Variants in RPH3A observed in about 807,000 individuals in gnomAD.
RPH3A encodes rabphilin 3A.
RPH3A carries 48 observed loss-of-function variants against 102.2 expected under a neutral mutation model. The observed-to-expected ratio is 0.47, with a 90% CI of 0.37 to 0.60. RPH3A has a LOEUF of 0.60. RPH3A is among the 20% of genes least tolerant of loss of function. The pLI, the probability that RPH3A is intolerant of heterozygous loss-of-function variation, is 0.00. For missense variants in RPH3A, 781 were observed against 910.1 expected, an observed-to-expected ratio of 0.86 and a Z score of 1.83; for synonymous variants, 310 against 324.3, an observed-to-expected ratio of 0.96 and a Z score of 0.47.
chr12:112,805,552 A>G (rs1469181304), intron 2 of RPH3A, among the ~76,000 whole-genome samples: 3 of 152,190 alleles, frequency 2.0e-5, no homozygotes, highest in Admixed American at 1.3e-4. Flanking sequence ...ATTGTCAGAA[A>G]GGGCCAGTTA....
chr12:112,840,563 T>G (rs2042124734), intron 4 of RPH3A, among the ~76,000 whole-genome samples: 1 of 152,052 alleles, frequency 6.6e-6, no homozygotes, highest in Non-Finnish European at 1.5e-5. Context: ...AAATCCGCAT[T>G]CTGGCTGGCT....
intron 1 of RPH3A, among the ~76,000 whole-genome samples, chr12:112,637,203 T>C (rs915902607): frequency 6.6e-6 from 1 of 152,164 alleles, no homozygotes; most frequent in African/African-American, 2.4e-5. Flanking sequence ...TGTGAACATA[T>C]TTCTCCTTTC....
intron 1 of RPH3A, among the ~76,000 whole-genome samples, chr12:112,659,067 C>G (rs2040032718): frequency 6.6e-6 from 1 of 152,146 alleles, no homozygotes; most frequent in South Asian, 2.1e-4. Context: ...GAGTACAGCA[C>G]CAGAATTTTT....
intron 2 of RPH3A, among the ~76,000 whole-genome samples, chr12:112,826,569 C>A (rs1019099227): frequency 1.3e-5 from 2 of 152,146 alleles, no homozygotes; most frequent in Admixed American, 6.5e-5. Flanking sequence ...ATGGAGGCCC[C>A]CTTCTGCCCC....
At chr12:112,808,193 G>A (rs1028274094) in intron 2 of RPH3A, among the ~76,000 whole-genome samples, 1 of 152,216 alleles carries the variant, frequency 6.6e-6, no homozygotes, top group Non-Finnish European at 1.5e-5. Context: ...CCTTAGAAGG[G>A]ATGCAGGATG....
At chr12:112,754,245 C>G (rs1488147220) in intron 1 of RPH3A, among the ~76,000 whole-genome samples, 1 of 152,186 alleles carries the variant, frequency 6.6e-6, no homozygotes, top group Non-Finnish European at 1.5e-5. Flanking sequence ...CTTTGAGCCT[C>G]AGTTTATCAT....
intron 1 of RPH3A, among the ~76,000 whole-genome samples, chr12:112,732,784 G>C (rs1040907222): frequency 2.0e-5 from 3 of 152,184 alleles, no homozygotes; most frequent in Admixed American, 2.0e-4. Flanking sequence ...GAGGTGTGTG[G>C]CTTTGGGTAA....
chr12:112,874,561 T>C (rs2136234040), intron 10 of RPH3A, among the ~76,000 whole-genome samples: 1 of 152,130 alleles, frequency 6.6e-6, no homozygotes. Flanking sequence ...AGAGGATGAG[T>C]ATCCAGCCCA....
chr12:112,647,938 T>C (rs1470695183), intron 1 of RPH3A, among the ~76,000 whole-genome samples: 1 of 152,202 alleles, frequency 6.6e-6, no homozygotes, highest in East Asian at 1.9e-4. Flanking sequence ...TTATTATTCT[T>C]GCTACTAGTC....
intron 1 of RPH3A, among the ~76,000 whole-genome samples, chr12:112,588,287 T>C (rs1462114355): frequency 1.3e-5 from 2 of 152,224 alleles, no homozygotes; most frequent in Non-Finnish European, 2.9e-5. Flanking sequence ...CTGAGTTATT[T>C]ATAAATGAAA....
rs184324191 is a variant in RPH3A at position 112,594,826 on chromosome 12, G to C, written c.-140+19507G>C. Among the ~76,000 whole-genome samples the C allele has an allele frequency of 2.7e-4, 41 of 152,254 alleles. 1 individual carries two copies. Among genetic ancestry groups the C allele is most frequent in the Admixed American group, 2.5e-3 (38 of 15,292 alleles). On this transcript the variant is annotated intron_variant, in intron 1 of 21. Transcript: ENST00000543106. ...TTTGTTATTATTGTTATGCATAAAG[G>C]TATTGATTAATTAATTCACCAATGT...
chr12:112,751,774 T>A (rs1203744359), intron 1 of RPH3A, among the ~76,000 whole-genome samples: 2 of 152,148 alleles, frequency 1.3e-5, no homozygotes, highest in Non-Finnish European at 1.5e-5. Context: ...GGTTTTTAAA[T>A]AAAAATATAT....
rs143396986 is a variant in RPH3A, at chr12:112,868,450, G to T, written c.465G>T (p.Ala155=). The T allele has an allele frequency of 1.2e-6, 2 of 1,614,098 alleles. No individual in the cohort carries two copies. The highest frequency in any genetic ancestry group is 2.2e-5 in the East Asian group (1 of 44,878). ...CCAAGGTGTGGAAGCGTTCTGGAGC[G>T]TGGTTCTTCAAAGGCTTCCCCAAAC... ...EQREVWKRSG[A]WFFKGFPKQV... is the part of the protein sequence containing the mutation. Residue 155 remains alanine (A), a synonymous_variant, in exon 8 of 22, where the codon GCG becomes GCT. Coordinates refer to ENST00000389385, the MANE Select transcript of RPH3A (RefSeq NM_001143854.2).
intron 1 of RPH3A, among the ~76,000 whole-genome samples, chr12:112,704,921 T>C (rs1250307771): frequency 6.6e-6 from 1 of 152,214 alleles, no homozygotes; most frequent in South Asian, 2.1e-4. Flanking sequence ...GCTAACAATC[T>C]GGAGATTAAG....
chr12:112,788,825 CT>C (rs2041068141), upstream of RPH3A, among the ~76,000 whole-genome samples: 1 of 152,156 alleles, frequency 6.6e-6, no homozygotes, highest in Non-Finnish European at 1.5e-5. Flanking sequence ...TCCTAAATGA[CT>C]TTCATTTCTC....
At position 112,791,767 on chromosome 12, in the gene RPH3A, T is replaced by C. The variant is rs748906068; in HGVS notation, c.-385T>C. ...TTGCTCACACAGGGCTTTGCAGTAG[T>C]GGTGGCAGCCGCGGCAGAAACTGGC... On this transcript the variant is annotated 5_prime_UTR_variant, in exon 1 of 22. Transcript: ENST00000389385. The C allele has an allele frequency of 4.0e-5, 6 of 151,376 alleles. No individual in the cohort carries two copies. Among genetic ancestry groups the C allele is most frequent in the Non-Finnish European group, 1.5e-5 (1 of 67,986 alleles). The allele number at this position is 151,376 out of a possible 1,614,324, so 9.4% of individuals were successfully genotyped here. A position where few individuals can be genotyped will look rare whatever the true frequency, so the allele number is the denominator to read the frequency against.
intron 2 of RPH3A, among the ~76,000 whole-genome samples, chr12:112,795,137 C>T (rs2136092662): frequency 6.6e-6 from 1 of 152,198 alleles, no homozygotes; most frequent in East Asian, 1.9e-4. Context: ...TCTTTGTAGG[C>T]TGTGACATTA....
chr12:112,865,704 T>G lies in RPH3A; in HGVS notation c.360+161T>G, dbSNP rs2042601070. 2.2e-5 allele frequency: 15 copies of G among 694,304 alleles called. 1 individual carries two copies. In the South Asian group the frequency reaches 3.0e-4, roughly 14 times the overall value. The allele number at this position is 694,304 out of a possible 1,614,324, so 43.0% of individuals were successfully genotyped here. Reference sequence around the variant, plus strand: ...TTTCTGGGATGCTTCCATGCCCTACTGTCTTCCAACGTAACCCTGATCCTG... The same window carrying G: ...TTTCTGGGATGCTTCCATGCCCTACGGTCTTCCAACGTAACCCTGATCCTG... On this transcript the variant is annotated intron_variant, in intron 6 of 21. Coordinates refer to ENST00000389385, the MANE Select transcript of RPH3A (RefSeq NM_001143854.2).
intron 1 of RPH3A, chr12:112,649,346 A>G (rs138774965): frequency 6.6e-6 from 1 of 152,320 alleles, no homozygotes; most frequent in East Asian, 1.9e-4. Context: ...TTTAGTGAGA[A>G]TTTATGACTC....
Sources: allele counts gnomAD v4.1 joint callset (sites outside exome capture counted in the v4.1 genomes callset), GRCh38; gene constraint gnomAD v4.1.1; transcripts MANE v1.5; gene names NCBI Gene and HGNC (gene_info 2026-07-23, HGNC 2026-07-21).